POU6F2: variants seen among roughly 807,000 people sequenced by gnomAD.
POU6F2 encodes POU domain, class 6, transcription factor 2.
Under a neutral mutation model 71.3 loss-of-function variants are expected in POU6F2, and 31 were observed. The observed-to-expected ratio is 0.43, with a 90% CI of 0.33 to 0.59. POU6F2 has a LOEUF of 0.59. Among genes scored for constraint, POU6F2 ranks in the 20% least tolerant of loss-of-function variants. POU6F2 has a pLI of 0.04. For missense variants in POU6F2, 783 were observed against 856.8 expected (o/e 0.91, Z 1.07); for synonymous variants, 347 against 355.7 (o/e 0.98, Z 0.27).
intron 5 of POU6F2, among the ~76,000 whole-genome samples, chr7:39,345,321 A>G (rs1786009388): frequency 1.3e-5 from 2 of 152,200 alleles, no homozygotes; most frequent in Non-Finnish European, 2.9e-5. Context: ...CTGGCTGTCT[A>G]AATGATTTAG....
chr7:39,454,500 C>T (rs1013975131), intron 8 of POU6F2, among the ~76,000 whole-genome samples: 1 of 151,062 alleles, frequency 6.6e-6, no homozygotes, highest in Non-Finnish European at 1.5e-5. Context: ...ATGTTCCTAT[C>T]ATCCAGGACA....
intron 1 of POU6F2, among the ~76,000 whole-genome samples, chr7:39,043,318 C>G (rs1313808075): frequency 1.3e-5 from 2 of 151,820 alleles, no homozygotes; most frequent in East Asian, 1.9e-4. Context: ...GAATGGACAC[C>G]AATACTATAA....
intron 4 of POU6F2, among the ~76,000 whole-genome samples, chr7:39,278,088 A>AGAGGGAGGGAGGGAGGGAGG (rs1347463084): frequency 2.3e-5 from 1 of 43,844 alleles, no homozygotes; most frequent in Non-Finnish European, 4.7e-5. Context: ...AGCGAGAAAG[A>AGAGGGAGGGAGGGAGGGAGG]GAGGGAGGGA....
chr7:39,126,255 A>G (rs114624821), intron 2 of POU6F2, among the ~76,000 whole-genome samples: 1 of 152,194 alleles, frequency 6.6e-6, no homozygotes, highest in Admixed American at 6.5e-5. Flanking sequence ...TCTCATATCC[A>G]GGGGGATAGG....
intron 7 of POU6F2, among the ~76,000 whole-genome samples, chr7:39,441,094 G>A (rs1788392445): frequency 6.6e-6 from 1 of 152,080 alleles, no homozygotes; most frequent in African/African-American, 2.4e-5. Context: ...CTGACCTCAA[G>A]GGGCACCAAC....
chr7:39,332,276 C>G (rs775415287), intron 4 of POU6F2, among the ~76,000 whole-genome samples: 2 of 152,166 alleles, frequency 1.3e-5, no homozygotes, highest in African/African-American at 4.8e-5. Context: ...TTTCCCCTTA[C>G]AGCCTCTGCC....
intron 2 of POU6F2, among the ~76,000 whole-genome samples, chr7:39,153,114 G>A (rs1384884880): frequency 6.6e-6 from 1 of 152,104 alleles, no homozygotes. Flanking sequence ...GCGGTGATGT[G>A]CGTTGGACAA....
At chr7:39,325,538 A>G (rs1583525663) in intron 4 of POU6F2, among the ~76,000 whole-genome samples, 1 of 152,200 alleles carries the variant, frequency 6.6e-6, no homozygotes, top group African/African-American at 2.4e-5. Context: ...CTTGCTGTAT[A>G]CTCCAGCTTC....
chr7:39,316,063 G>C (rs1287351226), intron 4 of POU6F2, among the ~76,000 whole-genome samples: 1 of 152,170 alleles, frequency 6.6e-6, no homozygotes, highest in Non-Finnish European at 1.5e-5. Flanking sequence ...ATTGGTAGCA[G>C]TAGGAGTAAC....
At chr7:39,237,534 C>A (rs928633364) in intron 4 of POU6F2, among the ~76,000 whole-genome samples, 28 of 152,084 alleles carry the variant, frequency 1.8e-4, no homozygotes, top group African/African-American at 6.3e-4. Flanking sequence ...TCTTTATGGT[C>A]CAGGAAGTAC....
intron 2 of POU6F2, among the ~76,000 whole-genome samples, chr7:39,142,565 C>T (rs12701697): frequency 0.25 from 38,287 of 152,120 alleles, 5,407 homozygotes; most frequent in East Asian, 0.56. Context: ...TAAAGTTCAG[C>T]ACACAATGAA....
chr7:39,014,213 A>C (rs1278131090), intron 1 of POU6F2, among the ~76,000 whole-genome samples: 4 of 152,216 alleles, frequency 2.6e-5, no homozygotes, highest in Non-Finnish European at 5.9e-5. Flanking sequence ...GTTTAGCAGC[A>C]GAACCTTCAG....
intron 1 of POU6F2, among the ~76,000 whole-genome samples, chr7:39,069,325 G>A (rs949355471): frequency 6.6e-6 from 1 of 152,220 alleles, no homozygotes; most frequent in Non-Finnish European, 1.5e-5. Flanking sequence ...TGTTAGAGAA[G>A]AGACTTGCTT....
Position 39,449,135 on chromosome 7 carries a change from C to T in POU6F2, c.1321-2398C>T, listed in dbSNP as rs543842612. ...TACGGGTGTTCACTTGAAATGCAAC[C>T]TCAGGCAATTCTGTAGGAGGCACAA... is the stretch of plus-strand genomic sequence containing the variant. On this transcript the variant is annotated intron_variant, in intron 7 of 9. Coordinates refer to ENST00000518318, the MANE Select transcript of POU6F2 (RefSeq NM_001370959.1). Among the ~76,000 whole-genome samples, 3 of 152,318 alleles carry T rather than the reference C, an allele frequency of 2.0e-5. No homozygotes were observed. The South Asian group carries it at 6.2e-4, about 32-fold the overall frequency.
At position 39,047,794 on chromosome 7, in the gene POU6F2, T is replaced by G. The variant is rs377506235; in HGVS notation, c.106-38066T>G. ...GAATTTTGTCAACTGCCTTTTCTTT[T>G]TCTACATCTGTAAAATGGTCATGTA... is the stretch of plus-strand genomic sequence containing the variant. On this transcript the variant is annotated intron_variant, in intron 1 of 9. Transcript: ENST00000518318. Among the ~76,000 whole-genome samples, 217 of 152,094 alleles carry G rather than the reference T, an allele frequency of 1.4e-3. 1 individual carries two copies. The highest frequency in any genetic ancestry group is 0.014 in the Middle Eastern group (4 of 294).
At chr7:39,009,036 G>A (rs1789180023) in intron 1 of POU6F2, among the ~76,000 whole-genome samples, 1 of 152,164 alleles carries the variant, frequency 6.6e-6, no homozygotes, top group African/African-American at 2.4e-5. Flanking sequence ...GAACTTTAAA[G>A]TCGTTTTTTC....
intron 2 of POU6F2, among the ~76,000 whole-genome samples, chr7:39,149,807 AC>A (rs1474672601): frequency 1.3e-5 from 2 of 152,054 alleles, no homozygotes; most frequent in Non-Finnish European, 2.9e-5. Context: ...ATCAAGCAAA[AC>A]TTTTGTGTTT....
At chr7:39,273,020 A>G (rs778500055) in intron 4 of POU6F2, among the ~76,000 whole-genome samples, 1 of 152,228 alleles carries the variant, frequency 6.6e-6, no homozygotes. Context: ...AGAAAGTATG[A>G]GAATATGATA....
At chr7:39,253,081 C>T (rs950340648) in intron 4 of POU6F2, among the ~76,000 whole-genome samples, 8 of 152,178 alleles carry the variant, frequency 5.3e-5, no homozygotes, top group African/African-American at 1.2e-4. Context: ...AATGCATCCA[C>T]GGCTTGCTAT....
Sources: gnomAD v4.1 joint callset for allele counts (sites outside exome capture counted in the v4.1 genomes callset) on GRCh38, gnomAD v4.1.1 for gene constraint, MANE v1.5 for transcripts, NCBI Gene and HGNC (gene_info 2026-07-23, HGNC 2026-07-21) for gene names.